The following TMCO4 variants were observed in gnomAD, a reference collection of about 807,000 sequenced individuals.
TMCO4 encodes the protein transmembrane and coiled-coil domain-containing protein 4.
TMCO4 carries 58 observed loss-of-function variants against 64.7 expected under a neutral mutation model. The ratio of observed to expected loss-of-function variants is 0.90; its 90% confidence interval spans 0.73 to 1.12. TMCO4 has a LOEUF of 1.12. Ranked by LOEUF, TMCO4 falls within the 50% of genes most tolerant of loss-of-function variation. The pLI is 0.00. For missense variants in TMCO4, 780 were observed against 825.9 expected (o/e 0.94, Z 0.68); for synonymous variants, 325 against 346.1 (o/e 0.94, Z 0.68).
At chr1:19,699,064 C>T (rs994298708) in intron 14 of TMCO4, among the ~76,000 whole-genome samples, 2 of 151,850 alleles carry the variant, frequency 1.3e-5, no homozygotes, top group Non-Finnish European at 2.9e-5. Context: ...GGCGTGGTGG[C>T]GTGTGCCTGT....
intron 13 of TMCO4, among the ~76,000 whole-genome samples, chr1:19,731,023 A>T (rs150440146): frequency 1.9e-3 from 284 of 152,372 alleles, no homozygotes; most frequent in Non-Finnish European, 3.3e-3. Context: ...GAAAGCAGGC[A>T]GTGCAGCTGG....
At chr1:19,719,047 C>T (rs1168066385) in intron 13 of TMCO4, among the ~76,000 whole-genome samples, 1 of 152,198 alleles carries the variant, frequency 6.6e-6, no homozygotes, top group Non-Finnish European at 1.5e-5. Flanking sequence ...CTGAAGAGAT[C>T]ATTAGCTCCA....
rs752624276 is a variant in TMCO4, at chr1:19,683,477, G to C, written c.1501-33C>G. On this transcript the variant is annotated intron_variant, in intron 15 of 15. Coordinates refer to ENST00000294543, the MANE Select transcript of TMCO4 (RefSeq NM_181719.7). ...AGACAGTGAGTGAGCACCACCGTGG[G>C]TGTGCAGAGCCCAGCCCTCCCCAGG... 3.1e-6 allele frequency: 5 copies of C among 1,607,968 alleles called. No individual in the cohort carries two copies. In the African/African-American group the frequency reaches 5.3e-5, roughly 17 times the overall value.
At chr1:19,718,470 T>C (rs1003272620) in intron 13 of TMCO4, among the ~76,000 whole-genome samples, 8 of 151,536 alleles carry the variant, frequency 5.3e-5, no homozygotes, top group African/African-American at 1.5e-4. Flanking sequence ...CTGCACAACA[T>C]AGCAAGGCCC....
chr1:19,791,642 C>G (rs2044044026), intron 2 of TMCO4, among the ~76,000 whole-genome samples: 1 of 152,218 alleles, frequency 6.6e-6, no homozygotes, highest in African/African-American at 2.4e-5. Flanking sequence ...TACACTGATT[C>G]CAAGAGAGTG....
chr1:19,763,201 G>A (rs991291413), intron 6 of TMCO4, among the ~76,000 whole-genome samples: 6 of 151,628 alleles, frequency 4.0e-5, no homozygotes, highest in African/African-American at 9.7e-5. Context: ...TCAGCCTCCC[G>A]GGTAGCTGGG....
chr1:19,713,799 A>G (rs1570725585), intron 13 of TMCO4, among the ~76,000 whole-genome samples: 1 of 152,096 alleles, frequency 6.6e-6, no homozygotes, highest in East Asian at 1.9e-4. Context: ...CCAATAAATT[A>G]TCTCTCTCCC....
At chr1:19,778,074 A>G (rs1218364595) in intron 4 of TMCO4, among the ~76,000 whole-genome samples, 1 of 152,040 alleles carries the variant, frequency 6.6e-6, no homozygotes, top group African/African-American at 2.4e-5. Context: ...CCACAAAAAT[A>G]TCCTAAGTGG....
chr1:19,764,676 A>G (rs537942262), intron 6 of TMCO4, among the ~76,000 whole-genome samples: 1 of 152,220 alleles, frequency 6.6e-6, no homozygotes, highest in Non-Finnish European at 1.5e-5. Flanking sequence ...AACATGGAGA[A>G]ACCCTGTCTC....
At position 19,701,658 on chromosome 1, in the gene TMCO4, A is replaced by G. The variant is rs559551923; in HGVS notation, c.1265-773T>C. Among the ~76,000 whole-genome samples the G allele has an allele frequency of 1.0e-3, 159 of 152,296 alleles. 1 individual carries two copies. The highest frequency in any genetic ancestry group is 1.9e-3 in the Non-Finnish European group (127 of 68,030). On this transcript the variant is annotated intron_variant, in intron 13 of 15. Coordinates refer to ENST00000294543, the MANE Select transcript of TMCO4 (RefSeq NM_181719.7). ...ACTAACGGGCCCCGCATCATCTTGC[A>G]TGCCAGGTGGGAGACACCAATATCT... is the stretch of plus-strand genomic sequence containing the variant.
chr1:19,740,856 G>A lies in TMCO4; in HGVS notation c.963C>T (p.Leu321=), dbSNP rs140147782. 3.0e-4 allele frequency: 486 copies of A among 1,614,020 alleles called. 4 individuals carry two copies. Among genetic ancestry groups the A allele is most frequent in the Non-Finnish European group, 6.9e-5 (81 of 1,180,012 alleles). Residue 321 remains leucine (L), a synonymous_variant, in exon 11 of 16, where the codon CTC becomes CTT. Transcript: ENST00000294543. ...TGAGGATGGTCTCCAGGGCATTGCCGAGCTCCATCAGGTACTTGGCTTCCC... is the reference window on the plus strand; with the variant it reads ...TGAGGATGGTCTCCAGGGCATTGCCAAGCTCCATCAGGTACTTGGCTTCCC... ...LAWEAKYLME[L]GNALETILSG...
intron 6 of TMCO4, among the ~76,000 whole-genome samples, chr1:19,767,904 C>T (rs531201524): frequency 1.4e-3 from 217 of 151,988 alleles, no homozygotes; most frequent in African/African-American, 4.9e-3. Context: ...CCAGCCTGGC[C>T]GACATGGTGA....
rs1371243448 is a variant in TMCO4 at position 19,683,295 on chromosome 1, G to A, written c.1650C>T (p.Ala550=). 2.2e-5 allele frequency: 35 copies of A among 1,614,116 alleles called. No individual in the cohort carries two copies. The highest frequency in any genetic ancestry group is 3.0e-5 in the Non-Finnish European group (35 of 1,179,974). The part of the protein sequence containing the change: ...SEEPRQAAAA[A]SSGETPHQVG... The stretch of plus-strand genomic sequence containing the variant: ...CCTGGTGGGGGGTCTCGCCTGATGA[G>A]GCGGCAGCTGCTGCCTGGCGAGGCT... Residue 550 remains alanine (A), a synonymous_variant, in exon 16 of 16, where the codon GCC becomes GCT. Coordinates refer to ENST00000294543, the MANE Select transcript of TMCO4 (RefSeq NM_181719.7).
In TMCO4 at chr1:19,694,460, C is replaced by G; in HGVS notation, c.1474G>C (p.Val492Leu). The change falls in exon 15 of 16, where the codon GTG becomes CTG. Residue 492 changes from valine to leucine, a missense_variant. By Grantham distance (32) the Val-to-Leu change is conservative. Coordinates refer to ENST00000294543, the MANE Select transcript of TMCO4 (RefSeq NM_181719.7). ...LQPVLLQDRR[V>L]ENVDLTSVVS... ...ACAGAGGTCAGGTCCACGTTCTCCA[C>G]CCTCCTGTCCTGCAGCAGCACGGGC... 6.2e-7 allele frequency: 1 copy of G among 1,614,132 alleles called. No homozygotes were observed. Among genetic ancestry groups the G allele is most frequent in the Non-Finnish European group, 8.5e-7 (1 of 1,179,962 alleles).
chr1:19,683,272 T>C lies in TMCO4; in HGVS notation c.1673A>G (p.Gln558Arg). Residue 558 changes from glutamine (Q) to arginine (R), a missense_variant, in exon 16 of 16, where the codon CAG becomes CGG. Transcript: ENST00000294543. ...TATGGGACCCTGGGTTTGCCCAACCTGGTGGGGGGTCTCGCCTGATGAGGC... is the reference window on the plus strand; with the variant it reads ...TATGGGACCCTGGGTTTGCCCAACCCGGTGGGGGGTCTCGCCTGATGAGGC... The part of the protein sequence containing the change: ...AAASSGETPH[Q>R]VGQTQGPISG... 6.2e-7 allele frequency: 1 copy of C among 1,614,182 alleles called. No homozygotes were observed. The highest frequency in any genetic ancestry group is 8.5e-7 in the Non-Finnish European group (1 of 1,180,002).
At chr1:19,713,978 C>G (rs189770013) in intron 13 of TMCO4, among the ~76,000 whole-genome samples, 1 of 152,032 alleles carries the variant, frequency 6.6e-6, no homozygotes, top group African/African-American at 2.4e-5. Flanking sequence ...TCTCTGTCAC[C>G]CAGACTGGAG....
chr1:19,737,247 T>C, intron 13 of TMCO4, 125 bp downstream of exon 13: 1 of 977,592 alleles, frequency 1.0e-6, no homozygotes, highest in Non-Finnish European at 1.5e-6. Flanking sequence ...TATTTTTAAC[T>C]TTTAACTATT....
chr1:19,694,696 G>T, intron 14 of TMCO4, 145 bp from the exon 15 acceptor site: 1 of 702,392 alleles, frequency 1.4e-6, no homozygotes. Context: ...CGGTGGGGAT[G>T]GAAGATGAAG....
chr1:19,772,223 G>A (rs1436585432), intron 4 of TMCO4, among the ~76,000 whole-genome samples: 4 of 152,282 alleles, frequency 2.6e-5, no homozygotes, highest in African/African-American at 4.8e-5. Flanking sequence ...AGGGAGCCCC[G>A]GATCCACCTG....
Sources: allele counts gnomAD v4.1 joint callset (sites outside exome capture counted in the v4.1 genomes callset), GRCh38; gene constraint gnomAD v4.1.1; transcripts MANE v1.5; gene names NCBI Gene and HGNC (gene_info 2026-07-23, HGNC 2026-07-21).